Variants in DPP10 observed in about 807,000 individuals in gnomAD.
DPP10 encodes inactive dipeptidyl peptidase 10.
A neutral mutation model predicts 120.9 loss-of-function variants in DPP10; 33 were observed. That is an observed-to-expected ratio of 0.27 (90% CI 0.21 to 0.37). The LOEUF (loss-of-function observed/expected upper bound fraction) is 0.37. Ranked by LOEUF, DPP10 falls within the 10% of genes least tolerant of loss-of-function variation. DPP10 has a pLI of 1.00. For missense variants in DPP10, 816 were observed against 942.8 expected (o/e 0.87, Z 1.76); for synonymous variants, 337 against 326.1 (o/e 1.03, Z -0.36).
At chr2:115,596,948 T>A (rs961903082) in intron 5 of DPP10, among the ~76,000 whole-genome samples, 2 of 152,186 alleles carry the variant, frequency 1.3e-5, no homozygotes, top group Non-Finnish European at 2.9e-5. Context: ...TTTACTTAAC[T>A]CGTTTCATAA....
chr2:115,779,282 A>G (rs1239393054), intron 15 of DPP10, among the ~76,000 whole-genome samples: 1 of 152,126 alleles, frequency 6.6e-6, no homozygotes, highest in Middle Eastern at 3.2e-3. Flanking sequence ...CGACAGTGTT[A>G]CAAAGAAAAT....
At chr2:114,523,932 C>T (rs190786591) in intron 1 of DPP10, among the ~76,000 whole-genome samples, 102 of 152,164 alleles carry the variant, frequency 6.7e-4, no homozygotes, top group Middle Eastern at 6.8e-3. Context: ...TTGGTAATAT[C>T]GAAATGAAAA....
intron 4 of DPP10, among the ~76,000 whole-genome samples, chr2:115,512,335 A>G (rs934608418): frequency 1.3e-5 from 2 of 151,966 alleles, no homozygotes; most frequent in Non-Finnish European, 2.9e-5. Flanking sequence ...ACTTACCCCA[A>G]GCAATCCTCC....
intron 1 of DPP10, among the ~76,000 whole-genome samples, chr2:114,755,013 A>C (rs1208178619): frequency 6.6e-6 from 1 of 152,266 alleles, no homozygotes; most frequent in Non-Finnish European, 1.5e-5. Context: ...TTATGAAGAC[A>C]GAACAACTTA....
intron 3 of DPP10, among the ~76,000 whole-genome samples, chr2:115,379,484 T>C (rs2066110703): frequency 6.6e-6 from 1 of 152,204 alleles, no homozygotes; most frequent in Non-Finnish European, 1.5e-5. Flanking sequence ...TCAATTTTGT[T>C]GATCCTTTCA....
At chr2:115,095,591 T>G (rs1178299555) in intron 1 of DPP10, among the ~76,000 whole-genome samples, 2 of 151,124 alleles carry the variant, frequency 1.3e-5, no homozygotes, top group Non-Finnish European at 3.0e-5. Context: ...TTTTGTTTTT[T>G]TTTTTTGATA....
intron 5 of DPP10, among the ~76,000 whole-genome samples, chr2:115,598,867 A>G (rs776698172): frequency 8.0e-5 from 12 of 149,916 alleles, no homozygotes; most frequent in Middle Eastern, 3.5e-3. Flanking sequence ...TGACAGAAAT[A>G]AATTTCCTTA....
chr2:115,354,477 C>T (rs760592876), intron 3 of DPP10, among the ~76,000 whole-genome samples: 1 of 152,054 alleles, frequency 6.6e-6, no homozygotes, highest in Admixed American at 6.6e-5. Context: ...CATTAATTAG[C>T]ATAGGATAAT....
intron 1 of DPP10, among the ~76,000 whole-genome samples, chr2:114,935,449 C>T (rs1036506761): frequency 6.6e-6 from 1 of 152,070 alleles, no homozygotes; most frequent in African/African-American, 2.4e-5. Flanking sequence ...TTTTATTGAG[C>T]CATGTTATGT....
intron 1 of DPP10, among the ~76,000 whole-genome samples, chr2:115,065,264 C>T (rs1409855201): frequency 6.6e-6 from 1 of 152,048 alleles, no homozygotes; most frequent in African/African-American, 2.4e-5. Context: ...TTTTTAATTA[C>T]TTTTTTCAAC....
intron 5 of DPP10, among the ~76,000 whole-genome samples, chr2:115,588,188 T>A (rs894686762): frequency 6.6e-6 from 1 of 152,218 alleles, no homozygotes; most frequent in Non-Finnish European, 1.5e-5. Context: ...CATTGGGTAT[T>A]TGTTGTGGTA....
chr2:115,246,465 A>G (rs2058537892), intron 1 of DPP10, among the ~76,000 whole-genome samples: 1 of 152,168 alleles, frequency 6.6e-6, no homozygotes, highest in Non-Finnish European at 1.5e-5. Context: ...TTTTTCAAGT[A>G]GAGGTCTTTC....
chr2:115,829,223 T>C (rs1688677024), intron 21 of DPP10, among the ~76,000 whole-genome samples: 1 of 152,162 alleles, frequency 6.6e-6, no homozygotes, highest in Non-Finnish European at 1.5e-5. Flanking sequence ...ATAGCACTTG[T>C]GAGGTATGGT....
At chr2:115,016,454 C>G (rs1260736801) in intron 1 of DPP10, among the ~76,000 whole-genome samples, 2 of 152,220 alleles carry the variant, frequency 1.3e-5, no homozygotes, top group Admixed American at 1.3e-4. Flanking sequence ...GCGAAGACTT[C>G]ATGACAAAAA....
intron 1 of DPP10, among the ~76,000 whole-genome samples, chr2:114,647,953 C>T (rs1331845023): frequency 6.6e-6 from 1 of 152,000 alleles, no homozygotes; most frequent in Non-Finnish European, 1.5e-5. Context: ...TCTGCATGTC[C>T]TTGGACTATT....
chr2:115,738,683 C>T (rs1398250152), intron 8 of DPP10, among the ~76,000 whole-genome samples: 2 of 152,256 alleles, frequency 1.3e-5, no homozygotes, highest in East Asian at 3.9e-4. Flanking sequence ...ATTGTCTATG[C>T]TCCAATTCCC....
chr2:115,621,606 C>T (rs1329253358), intron 5 of DPP10, among the ~76,000 whole-genome samples: 1 of 152,038 alleles, frequency 6.6e-6, no homozygotes, highest in African/African-American at 2.4e-5. Flanking sequence ...ATTTTCAATC[C>T]GCACAATTTT....
At chr2:115,685,963 C>T (rs766813920) in intron 5 of DPP10, among the ~76,000 whole-genome samples, 20 of 151,996 alleles carry the variant, frequency 1.3e-4, no homozygotes, top group Non-Finnish European at 2.8e-4. Flanking sequence ...AACTTGTGCC[C>T]CACAAATCTA....
chr2:114,848,458 A>G (rs1688706394), intron 1 of DPP10, among the ~76,000 whole-genome samples: 1 of 152,194 alleles, frequency 6.6e-6, no homozygotes, highest in Non-Finnish European at 1.5e-5. Flanking sequence ...AACAAAAATT[A>G]CATTCCCCTC....
Sources: allele counts gnomAD v4.1 joint callset (sites outside exome capture counted in the v4.1 genomes callset), GRCh38; gene constraint gnomAD v4.1.1; transcripts MANE v1.5; gene names NCBI Gene and HGNC (gene_info 2026-07-23, HGNC 2026-07-21).